FTO: variants seen among roughly 807,000 people sequenced by gnomAD.
The protein encoded by FTO is alpha-ketoglutarate-dependent dioxygenase FTO.
Under a neutral mutation model 63.9 loss-of-function variants are expected in FTO, and 47 were observed. The ratio of observed to expected loss-of-function variants is 0.74; its 90% CI spans 0.58 to 0.94. FTO has a LOEUF of 0.94. Among genes scored for constraint, FTO ranks in the 40% least tolerant of loss-of-function variants. The pLI, the probability that FTO is intolerant of heterozygous loss-of-function variation, is 0.00. For missense variants in FTO, 562 were observed against 618.1 expected, an observed-to-expected ratio of 0.91 and a Z score of 0.96; for synonymous variants, 207 against 224.4, an observed-to-expected ratio of 0.92 and a Z score of 0.69.
intron 8 of FTO, among the ~76,000 whole-genome samples, chr16:54,020,486 C>T (rs2084564942): frequency 6.6e-6 from 1 of 152,188 alleles, no homozygotes; most frequent in Non-Finnish European, 1.5e-5. Flanking sequence ...TAAGTACATG[C>T]TCTATGATAT....
intron 7 of FTO, among the ~76,000 whole-genome samples, chr16:53,909,651 C>G (rs1343791170): frequency 6.7e-6 from 1 of 150,320 alleles, no homozygotes; most frequent in East Asian, 2.0e-4. Context: ...GCAGCCTCCG[C>G]CTCCCAGGTT....
intron 8 of FTO, among the ~76,000 whole-genome samples, chr16:54,064,843 G>A (rs1454584580): frequency 1.3e-5 from 2 of 152,136 alleles, no homozygotes; most frequent in Non-Finnish European, 2.9e-5. Context: ...CCAGATAACC[G>A]GAGCTCAGTT....
intron 1 of FTO, among the ~76,000 whole-genome samples, chr16:53,772,613 C>T (rs913812661): frequency 1.3e-5 from 2 of 152,132 alleles, no homozygotes; most frequent in Non-Finnish European, 2.9e-5. Flanking sequence ...ACATACCACA[C>T]CTCTTTTCAC....
At chr16:53,765,818 C>T (rs984797850) in intron 1 of FTO, among the ~76,000 whole-genome samples, 9 of 151,854 alleles carry the variant, frequency 5.9e-5, no homozygotes, top group Non-Finnish European at 1.2e-4. Flanking sequence ...GAGAAGGAAA[C>T]GAAAGGGCAA....
intron 8 of FTO, among the ~76,000 whole-genome samples, chr16:53,959,934 C>T (rs2083031113): frequency 6.6e-6 from 1 of 152,106 alleles, no homozygotes; most frequent in Admixed American, 6.6e-5. Flanking sequence ...GAGTGAATAA[C>T]ATGGAGACTC....
At chr16:53,957,447 G>T (rs1018094728) in intron 8 of FTO, among the ~76,000 whole-genome samples, 1 of 152,194 alleles carries the variant, frequency 6.6e-6, no homozygotes, top group Non-Finnish European at 1.5e-5. Flanking sequence ...ACCATTGGAC[G>T]TTGTGGGAAT....
At chr16:54,090,506 C>A (rs2086359399) in intron 8 of FTO, among the ~76,000 whole-genome samples, 1 of 152,036 alleles carries the variant, frequency 6.6e-6, no homozygotes, top group African/African-American at 2.4e-5. Flanking sequence ...TTCCACTGAA[C>A]CGTATACTTA....
chr16:53,750,392 C>T (rs1302542525), intron 1 of FTO, among the ~76,000 whole-genome samples: 1 of 152,010 alleles, frequency 6.6e-6, no homozygotes, highest in Non-Finnish European at 1.5e-5. Context: ...TGCACGCCAC[C>T]ACACCTGGCG....
chr16:53,942,183 A>G (rs2082545472), intron 8 of FTO, among the ~76,000 whole-genome samples: 1 of 152,186 alleles, frequency 6.6e-6, no homozygotes, highest in African/African-American at 2.4e-5. Context: ...AGCACTGGTT[A>G]TTCATCTAAC....
rs1480544270 is a variant in FTO at position 53,971,871 on chromosome 16, A to G, written c.1364+37762A>G. On this transcript the variant is annotated intron_variant, in intron 8 of 8. Transcript: ENST00000471389. Reference sequence around the variant, plus strand: ...AATAAAATCCCATCCGCGCTGTTCTATGAAATGCAGTCACAAATTTGGATG... The same window carrying G: ...AATAAAATCCCATCCGCGCTGTTCTGTGAAATGCAGTCACAAATTTGGATG... 3.3e-5 allele frequency among the ~76,000 whole-genome samples: 5 copies of G among 152,332 alleles called. No individual in the cohort carries two copies. In the East Asian group the frequency reaches 9.7e-4, roughly 29 times the overall value.
intron 8 of FTO, among the ~76,000 whole-genome samples, chr16:53,943,003 C>T (rs906282977): frequency 2.6e-5 from 4 of 152,162 alleles, no homozygotes; most frequent in South Asian, 2.1e-4. Flanking sequence ...GAGGCACTGG[C>T]CTGCTAGTTG....
At chr16:53,934,877 C>T (rs951762692) in intron 8 of FTO, among the ~76,000 whole-genome samples, 3 of 152,032 alleles carry the variant, frequency 2.0e-5, no homozygotes, top group African/African-American at 7.3e-5. Context: ...TTTATCAACC[C>T]GATTTTTAGG....
At chr16:53,864,170 A>G (rs16952609) in intron 4 of FTO, among the ~76,000 whole-genome samples, 3,123 of 152,262 alleles carry the variant, frequency 0.021, 116 homozygotes, top group African/African-American at 0.071. Context: ...ATGAGAATGG[A>G]CAGGTAAGTA....
At chr16:53,738,025 CT>C (rs35487919) in intron 1 of FTO, among the ~76,000 whole-genome samples, 3,169 of 125,426 alleles carry the variant, frequency 0.025, 85 homozygotes, top group African/African-American at 0.089. Flanking sequence ...ACAATCGTAG[CT>C]TTTTTTTTTT....
At chr16:53,757,959 C>G (rs2076961899) in intron 1 of FTO, among the ~76,000 whole-genome samples, 1 of 152,178 alleles carries the variant, frequency 6.6e-6, no homozygotes, top group Non-Finnish European at 1.5e-5. Flanking sequence ...TTTGCTTTAG[C>G]TGACTGTTCC....
intron 1 of FTO, among the ~76,000 whole-genome samples, chr16:53,730,001 A>G (rs941669415): frequency 6.6e-6 from 1 of 152,188 alleles, no homozygotes; most frequent in South Asian, 2.1e-4. Context: ...TCTGGCATAC[A>G]ACAAGCACTT....
rs531320679 is a variant in FTO, at chr16:53,860,930, G to T, written c.896-12856G>T. Among the ~76,000 whole-genome samples the T allele has an allele frequency of 2.1e-4, 31 of 150,582 alleles. 1 individual carries two copies. The Middle Eastern group carries it at 0.017, about 83-fold the overall frequency. ...CACACACACACACGTTTACTGTGAGGTCATGGGTATATTAATTAGATTGGT... is the reference window on the plus strand; with the variant it reads ...CACACACACACACGTTTACTGTGAGTTCATGGGTATATTAATTAGATTGGT... On this transcript the variant is annotated intron_variant, in intron 4 of 8. Transcript: ENST00000471389.
intron 8 of FTO, among the ~76,000 whole-genome samples, chr16:54,074,404 T>G (rs1349541210): frequency 6.6e-6 from 1 of 152,174 alleles, no homozygotes; most frequent in Non-Finnish European, 1.5e-5. Context: ...TAGGAATATT[T>G]GAGCCTGTTG....
intron 1 of FTO, among the ~76,000 whole-genome samples, chr16:53,779,703 C>T (rs2077541872): frequency 6.6e-6 from 1 of 152,170 alleles, no homozygotes; most frequent in South Asian, 2.1e-4. Context: ...TAGTGTAACT[C>T]ATCTGAATAA....
Sources: allele counts gnomAD v4.1 joint callset (sites outside exome capture counted in the v4.1 genomes callset), GRCh38; gene constraint gnomAD v4.1.1; transcripts MANE v1.5; gene names NCBI Gene and HGNC (gene_info 2026-07-23, HGNC 2026-07-21).